Variants in NRXN1 observed in about 807,000 individuals in gnomAD.
NRXN1 encodes the protein neurexin-1.
NRXN1 carries 39 observed loss-of-function variants against 150.9 expected under a neutral mutation model. That is an observed-to-expected ratio of 0.26 (90% CI 0.20 to 0.34). The LOEUF is 0.34. Ranked by LOEUF, NRXN1 falls within the 10% of genes least tolerant of loss-of-function variation. The pLI is 1.00. For synonymous variants in NRXN1, 924 were observed against 757.0 expected, an observed-to-expected ratio of 1.22 and a Z score of -3.62; for missense variants, 1,815 against 1,949.9, an observed-to-expected ratio of 0.93 and a Z score of 1.30.
chr2:50,411,926 T>C (rs2083214552), intron 17 of NRXN1, among the ~76,000 whole-genome samples: 2 of 152,204 alleles, frequency 1.3e-5, no homozygotes, highest in Non-Finnish European at 2.9e-5. Flanking sequence ...TGTGTCTGTG[T>C]AGAAAGAAGT....
At chr2:50,693,489 C>T (rs1478979932) in intron 5 of NRXN1, among the ~76,000 whole-genome samples, 7 of 152,070 alleles carry the variant, frequency 4.6e-5, no homozygotes, top group Admixed American at 1.3e-4. Flanking sequence ...TTCCTCCTGC[C>T]TACAATTGCG....
At chr2:50,097,703 G>A (rs535609798) in intron 18 of NRXN1, among the ~76,000 whole-genome samples, 12 of 151,618 alleles carry the variant, frequency 7.9e-5, no homozygotes, top group Non-Finnish European at 1.5e-4. Context: ...GCAATGGCAC[G>A]ATCTCAGCTC....
intron 11 of NRXN1, among the ~76,000 whole-genome samples, chr2:50,530,453 T>C (rs2105200573): frequency 6.6e-6 from 1 of 152,264 alleles, no homozygotes; most frequent in East Asian, 1.9e-4. Context: ...TTTATAAAAA[T>C]AAAAACTGCT....
intron 8 of NRXN1, among the ~76,000 whole-genome samples, chr2:50,617,435 TAAAAA>T (rs879749052): frequency 7.2e-6 from 1 of 139,146 alleles, no homozygotes; most frequent in South Asian, 2.3e-4. Context: ...CTCCATCTCT[TAAAAA>T]AAAAAAAAGC....
At chr2:50,013,888 C>A (rs569000202) in intron 21 of NRXN1, among the ~76,000 whole-genome samples, 22 of 152,070 alleles carry the variant, frequency 1.4e-4, no homozygotes, top group Non-Finnish European at 3.2e-4. Flanking sequence ...CAGTGAATGC[C>A]TGACAATGGG....
chr2:50,464,683 C>T (rs1384427629), intron 17 of NRXN1, among the ~76,000 whole-genome samples: 1 of 151,876 alleles, frequency 6.6e-6, no homozygotes, highest in African/African-American at 2.4e-5. Context: ...GGAATATTCT[C>T]TTAATATAGC....
At chr2:50,944,695 G>C (rs1398128535) in intron 2 of NRXN1, among the ~76,000 whole-genome samples, 1 of 152,140 alleles carries the variant, frequency 6.6e-6, no homozygotes, top group African/African-American at 2.4e-5. Flanking sequence ...AAATGGTGCA[G>C]TATAATTAGG....
chr2:50,245,462 G>T (rs1574708113), intron 17 of NRXN1, among the ~76,000 whole-genome samples: 1 of 152,022 alleles, frequency 6.6e-6, no homozygotes, highest in East Asian at 1.9e-4. Flanking sequence ...AAAGTCTCTG[G>T]CAAGTAACTC....
At chr2:50,829,971 A>G (rs960151927) in intron 5 of NRXN1, among the ~76,000 whole-genome samples, 1 of 144,680 alleles carries the variant, frequency 6.9e-6, no homozygotes. Context: ...GAGAAACCGC[A>G]CAGGAACCCA....
At chr2:50,953,646 G>A (rs1363449752) in intron 2 of NRXN1, among the ~76,000 whole-genome samples, 1 of 148,802 alleles carries the variant, frequency 6.7e-6, no homozygotes, top group East Asian at 2.0e-4. Context: ...AACATCTGCC[G>A]CTGCCTCCCA....
At chr2:50,360,722 A>C (rs553385219) in intron 17 of NRXN1, among the ~76,000 whole-genome samples, 1 of 152,200 alleles carries the variant, frequency 6.6e-6, no homozygotes, top group Non-Finnish European at 1.5e-5. Context: ...AAAATTAACA[A>C]GGATATTCAG....
At chr2:49,980,500 G>A (rs963842870) in intron 21 of NRXN1, among the ~76,000 whole-genome samples, 48 of 152,304 alleles carry the variant, frequency 3.2e-4, no homozygotes, top group African/African-American at 1.1e-3. Context: ...CTGGAGCAGA[G>A]AATAGCTTCA....
Position 50,347,804 on chromosome 2 carries a change from C to G in NRXN1, c.3365-110834G>C. On this transcript the variant is annotated intron_variant, in intron 17 of 22. Coordinates refer to ENST00000401669, the MANE Select transcript of NRXN1 (RefSeq NM_001330078.2). The surrounding 1 kb of genome is among the most constrained non-coding windows in gnomAD (Gnocchi z 4.9). ...GTGAAGCAAGGGGCTCTATGCAAAT[C>G]TGCAGTCTCCAAACAGCAAATCACT... The G allele has an allele frequency of 2.0e-6, 2 of 985,852 alleles. No individual in the cohort carries two copies. Among genetic ancestry groups the G allele is most frequent in the Non-Finnish European group, 2.4e-6 (2 of 830,238 alleles). The allele number at this position is 985,852 out of a possible 1,614,324, so 61.1% of individuals were successfully genotyped here.
intron 5 of NRXN1, among the ~76,000 whole-genome samples, chr2:50,864,052 C>T (rs1310912033): frequency 1.3e-5 from 2 of 152,044 alleles, no homozygotes; most frequent in Non-Finnish European, 2.9e-5. Flanking sequence ...TCTGAGTCTC[C>T]GCTGTGCAGA....
intron 18 of NRXN1, among the ~76,000 whole-genome samples, chr2:50,196,905 T>C (rs2061806790): frequency 6.6e-6 from 1 of 151,972 alleles, no homozygotes; most frequent in Non-Finnish European, 1.5e-5. Flanking sequence ...TGAGATCTAT[T>C]TGAGGGTGGA....
chr2:50,878,944 G>T (rs1679023445), intron 5 of NRXN1, among the ~76,000 whole-genome samples: 1 of 151,720 alleles, frequency 6.6e-6, no homozygotes, highest in Non-Finnish European at 1.5e-5. Context: ...TTTGTTTTTT[G>T]TTTTTTAGAG....
intron 21 of NRXN1, among the ~76,000 whole-genome samples, chr2:50,014,287 T>C (rs1187075561): frequency 6.6e-6 from 1 of 152,104 alleles, no homozygotes; most frequent in Non-Finnish European, 1.5e-5. Flanking sequence ...AACTTCATAA[T>C]GAATGATGAT....
intron 18 of NRXN1, among the ~76,000 whole-genome samples, chr2:50,198,396 A>C (rs183265523): frequency 2.1e-3 from 319 of 152,212 alleles, no homozygotes; most frequent in African/African-American, 6.9e-3. Flanking sequence ...GACTGCTCTA[A>C]TATTTCACTC....
chr2:50,708,714 T>C (rs936175205), intron 5 of NRXN1, among the ~76,000 whole-genome samples: 2 of 152,108 alleles, frequency 1.3e-5, no homozygotes, highest in Admixed American at 6.6e-5. Context: ...AAATCTAAGG[T>C]GTAAAGTATC....
Sources: allele counts gnomAD v4.1 joint callset (sites outside exome capture counted in the v4.1 genomes callset), GRCh38; gene constraint gnomAD v4.1.1; non-coding constraint Gnocchi (gnomAD v3.1); transcripts MANE v1.5; gene names NCBI Gene and HGNC (gene_info 2026-07-23, HGNC 2026-07-21).